Variants in PIEZO2 observed in about 807,000 individuals in gnomAD.
PIEZO2 encodes piezo-type mechanosensitive ion channel component 2.
A neutral mutation model predicts 337.3 loss-of-function variants in PIEZO2; 172 were observed. That is an observed-to-expected ratio of 0.51 (90% CI 0.45 to 0.58). The LOEUF is 0.58. Among genes scored for constraint, PIEZO2 ranks in the 20% least tolerant of loss-of-function variants. PIEZO2 has a pLI of 0.00. For synonymous variants in PIEZO2, 1,251 were observed against 1,228.5 expected, an observed-to-expected ratio of 1.02 and a Z score of -0.38; for missense variants, 3,028 against 3,391.3, an observed-to-expected ratio of 0.89 and a Z score of 2.66.
In PIEZO2 at chr18:10,773,314, TG is replaced by T; in HGVS notation, c.2785+97del. 8.1e-7 allele frequency: 1 copy of T among 1,232,566 alleles called. No homozygotes were observed. The highest frequency in any genetic ancestry group is 1.4e-5 in the South Asian group (1 of 73,144). The allele number at this position is 1,232,566 out of a possible 1,614,324, so 76.4% of individuals were successfully genotyped here. A position where few individuals can be genotyped will look rare whatever the true frequency, so the allele number is the denominator to read the frequency against. On this transcript the variant is annotated intron_variant, in intron 20 of 55. Coordinates refer to ENST00000674853, the MANE Select transcript of PIEZO2 (RefSeq NM_001378183.1). The surrounding 1 kb of genome is among the most constrained non-coding windows in gnomAD (Gnocchi z 5.3). ...CCACTCCAATTTTTATGTCATGGACTGGGTCAAATATATATTCTTTTGGAGC... is the reference window on the plus strand; with the variant it reads ...CCACTCCAATTTTTATGTCATGGACTGGTCAAATATATATTCTTTTGGAGC...
At position 10,832,816 on chromosome 18, in the gene PIEZO2, C is replaced by T. The variant is rs567115703; in HGVS notation, c.917+22537G>A. 4.6e-5 allele frequency among the ~76,000 whole-genome samples: 7 copies of T among 152,268 alleles called. No homozygotes were observed. The East Asian group carries it at 7.7e-4, about 17-fold the overall frequency. Reference sequence around the variant, plus strand: ...TCTCAGACCCGGGCCATGGACATTCCGGGTTCCCAAGTCAGGTGGGGCCCA... The same window carrying T: ...TCTCAGACCCGGGCCATGGACATTCTGGGTTCCCAAGTCAGGTGGGGCCCA... On this transcript the variant is annotated intron_variant, in intron 7 of 55. Coordinates refer to ENST00000674853, the MANE Select transcript of PIEZO2 (RefSeq NM_001378183.1).
chr18:10,804,669 A>AG (rs55805446), intron 8 of PIEZO2, among the ~76,000 whole-genome samples: 1 of 151,934 alleles, frequency 6.6e-6, no homozygotes, highest in African/African-American at 2.4e-5. Context: ...ACTCCCTGGG[A>AG]GGGGCGTTAC....
chr18:10,999,581 T>C (rs2035460299), intron 2 of PIEZO2, among the ~76,000 whole-genome samples: 1 of 152,092 alleles, frequency 6.6e-6, no homozygotes, highest in African/African-American at 2.4e-5. Context: ...AGAACGAGCA[T>C]GGGTTATAAG....
intron 2 of PIEZO2, among the ~76,000 whole-genome samples, chr18:10,989,995 C>T (rs867120223): frequency 6.6e-6 from 1 of 152,204 alleles, no homozygotes; most frequent in Middle Eastern, 3.4e-3. Flanking sequence ...CGAATAATGA[C>T]ATTTACCACA....
At chr18:10,715,515 G>C (rs2035977304) in intron 38 of PIEZO2, 135 bp downstream of exon 38, 2 of 749,946 alleles carry the variant, frequency 2.7e-6, no homozygotes, top group Non-Finnish European at 4.0e-6. Context: ...TAAATATACA[G>C]AAAAGCAAAG....
chr18:11,052,895 A>C (rs942931269), intron 2 of PIEZO2, among the ~76,000 whole-genome samples: 2 of 152,236 alleles, frequency 1.3e-5, no homozygotes, highest in Non-Finnish European at 2.9e-5. Context: ...TTGTTCCCAG[A>C]GCCTGGTGAT....
In PIEZO2 at chr18:11,149,209, G is replaced by C. The variant is rs2040889425; in HGVS notation, c.-621C>G. 6.6e-6 allele frequency among the ~76,000 whole-genome samples: 1 copy of C among 152,038 alleles called. No individual in the cohort carries two copies. Among genetic ancestry groups the C allele is most frequent in the Non-Finnish European group, 1.5e-5 (1 of 67,978 alleles). On this transcript the variant is annotated 5_prime_UTR_variant, in exon 1 of 56. Coordinates refer to ENST00000674853, the MANE Select transcript of PIEZO2 (RefSeq NM_001378183.1). This position sits in a 1 kb window ranked among gnomAD's most constrained non-coding sequence, Gnocchi z 8.7. Reference sequence around the variant, plus strand: ...GGCGGCCCGCGGCGGATCCCCGAGAGGCAGCGCAGCTCAGCCCCTGCGCCC... The same window carrying C: ...GGCGGCCCGCGGCGGATCCCCGAGACGCAGCGCAGCTCAGCCCCTGCGCCC...
rs533609652 is a variant in PIEZO2, at chr18:10,942,015, C to A, written c.287-30787G>T. Among the ~76,000 whole-genome samples the A allele has an allele frequency of 4.6e-5, 7 of 152,192 alleles. No individual in the cohort carries two copies. Among genetic ancestry groups the A allele is most frequent in the Non-Finnish European group, 8.8e-5 (6 of 68,038 alleles). On this transcript the variant is annotated intron_variant, in intron 3 of 55. Transcript: ENST00000674853. The surrounding 1 kb of genome is among the most constrained non-coding windows in gnomAD (Gnocchi z 4.4). ...GAGTTTCTCTGTACAAGTCTCTCTT[C>A]GCCTGCTGCCATCCACGTAAGATGT...
rs12326591 is a variant in PIEZO2, at chr18:11,009,277, T to G, written c.161-29617A>C. ...GAAGAGTGCTGGGCTTCACAAGCCCTGATGTGCATTGAAGCCCCTTGGGAA... is the reference window on the plus strand; with the variant it reads ...GAAGAGTGCTGGGCTTCACAAGCCCGGATGTGCATTGAAGCCCCTTGGGAA... On this transcript the variant is annotated intron_variant, in intron 2 of 55. Transcript: ENST00000674853. The surrounding 1 kb of genome is among the most constrained non-coding windows in gnomAD (Gnocchi z 4.6). Among the ~76,000 whole-genome samples the G allele has an allele frequency of 0.2, 30,131 of 152,206 alleles. 3,177 individuals carry two copies. Among genetic ancestry groups the G allele is most frequent in the African/African-American group, 0.25 (10,564 of 41,504 alleles).
chr18:11,144,228 C>T (rs963113726), intron 1 of PIEZO2, among the ~76,000 whole-genome samples: 1 of 152,184 alleles, frequency 6.6e-6, no homozygotes. Context: ...TGCTCATGCC[C>T]GTCTGTGTGG....
At chr18:10,866,134 A>G (rs2041999615) in intron 5 of PIEZO2, among the ~76,000 whole-genome samples, 1 of 152,208 alleles carries the variant, frequency 6.6e-6, no homozygotes, top group Admixed American at 6.5e-5. Context: ...AATGAAGATT[A>G]ATCTGTAATC....
chr18:11,093,315 A>G (rs2039154827), intron 1 of PIEZO2, among the ~76,000 whole-genome samples: 1 of 152,226 alleles, frequency 6.6e-6, no homozygotes, highest in Non-Finnish European at 1.5e-5. Flanking sequence ...TAACAGGAAT[A>G]TCTTGAAGCA....
At chr18:10,741,292 T>C (rs935894968) in intron 32 of PIEZO2, among the ~76,000 whole-genome samples, 190 bp from the exon 33 acceptor site, 1 of 152,244 alleles carries the variant, frequency 6.6e-6, no homozygotes, top group Admixed American at 6.5e-5. Flanking sequence ...TAAATACTAA[T>C]TGTTCTTTTA....
intron 18 of PIEZO2, among the ~76,000 whole-genome samples, chr18:10,777,060 G>C (rs2038815893): frequency 1.3e-5 from 2 of 152,200 alleles, no homozygotes; most frequent in South Asian, 4.1e-4. Flanking sequence ...TAATACGCAT[G>C]ATGATGAACA....
chr18:10,828,587 A>G lies in PIEZO2; in HGVS notation c.918-21313T>C, dbSNP rs2040749770. On this transcript the variant is annotated intron_variant, in intron 7 of 55. Transcript: ENST00000674853. The surrounding 1 kb of genome is among the most constrained non-coding windows in gnomAD (Gnocchi z 4.1). ...TGAATTATTGCAAAGTGTGTGAGAT[A>G]TTGGTGCCCAGAGAGGGTCCGGAAC... 6.6e-6 allele frequency among the ~76,000 whole-genome samples: 1 copy of G among 152,148 alleles called. No individual in the cohort carries two copies. Among genetic ancestry groups the G allele is most frequent in the Admixed American group, 6.5e-5 (1 of 15,272 alleles).
In PIEZO2 at chr18:10,863,540, C is replaced by T. The variant is rs1475589052; in HGVS notation, c.493-6329G>A. On this transcript the variant is annotated intron_variant, in intron 5 of 55. Transcript: ENST00000674853. The surrounding 1 kb of genome is among the most constrained non-coding windows in gnomAD (Gnocchi z 4.3). ...GGGAAGGACAAACTGAATCAGCAGA[C>T]AGTGGCCAGTTAGACCAATGCCTAA... Among the ~76,000 whole-genome samples, 1 of 152,178 alleles carries T rather than the reference C, an allele frequency of 6.6e-6. No homozygotes were observed.
chr18:10,709,015 T>C (rs940770224), intron 39 of PIEZO2, among the ~76,000 whole-genome samples: 3 of 152,228 alleles, frequency 2.0e-5, no homozygotes, highest in African/African-American at 7.2e-5. Context: ...CCAAATGAGA[T>C]GCTCTGCATG....
intron 3 of PIEZO2, among the ~76,000 whole-genome samples, chr18:10,911,923 T>C (rs1389693483): frequency 6.6e-6 from 1 of 152,188 alleles, no homozygotes; most frequent in Non-Finnish European, 1.5e-5. Context: ...TTAAACGTAA[T>C]CAAACAGCTG....
At chr18:10,725,658 T>G (rs1425421059) in intron 36 of PIEZO2, among the ~76,000 whole-genome samples, 1 of 152,238 alleles carries the variant, frequency 6.6e-6, no homozygotes, top group Non-Finnish European at 1.5e-5. Context: ...GCCCACGCTC[T>G]GGGCTCGCCT....
Sources: allele counts gnomAD v4.1 joint callset (sites outside exome capture counted in the v4.1 genomes callset), GRCh38; gene constraint gnomAD v4.1.1; non-coding constraint Gnocchi (gnomAD v3.1); transcripts MANE v1.5; gene names NCBI Gene and HGNC (gene_info 2026-07-23, HGNC 2026-07-21).